EML1: variants seen among roughly 807,000 people sequenced by gnomAD.
EML1 encodes EMAP like 1.
A neutral mutation model predicts 110.4 loss-of-function variants in EML1; 27 were observed. The observed-to-expected ratio is 0.24, with a 90% CI of 0.18 to 0.34. The LOEUF (loss-of-function observed/expected upper bound fraction) is 0.34. Ranked by LOEUF, EML1 falls within the 10% of genes least tolerant of loss-of-function variation. The probability of loss-of-function intolerance (pLI) is 1.00; values close to 1 mark genes in which losing one functional copy is unlikely to be tolerated. For missense variants in EML1, 741 were observed against 1,030.9 expected (o/e 0.72, Z 3.85); for synonymous variants, 344 against 385.8 (o/e 0.89, Z 1.27).
intron 4 of EML1, among the ~76,000 whole-genome samples, chr14:99,883,951 A>G (rs1334017295): frequency 1.3e-5 from 2 of 152,216 alleles, no homozygotes; most frequent in Non-Finnish European, 2.9e-5. Context: ...TGATCACTAT[A>G]ACAAAAGAAG....
chr14:99,840,291 A>G (rs1321472785), intron 1 of EML1, among the ~76,000 whole-genome samples: 2 of 152,206 alleles, frequency 1.3e-5, no homozygotes, highest in Non-Finnish European at 2.9e-5. Flanking sequence ...TTCTATGTGT[A>G]TTTTACTTAG....
At chr14:99,817,205 A>G (rs1379554909) in intron 1 of EML1, among the ~76,000 whole-genome samples, 1 of 152,162 alleles carries the variant, frequency 6.6e-6, no homozygotes, top group Non-Finnish European at 1.5e-5. Context: ...ATTATAGAAC[A>G]CTCAGGTGTG....
chr14:99,760,750 G>A (rs2057306428), intron 1 of EML1, among the ~76,000 whole-genome samples: 1 of 152,160 alleles, frequency 6.6e-6, no homozygotes, highest in Admixed American at 6.5e-5. Flanking sequence ...GCCCCAACTT[G>A]AGCCAGACGG....
At chr14:99,740,178 G>A (rs1053863967) in intron 1 of EML1, among the ~76,000 whole-genome samples, 1 of 152,180 alleles carries the variant, frequency 6.6e-6, no homozygotes, top group African/African-American at 2.4e-5. Context: ...TTTATTACCT[G>A]GAGGTGGGGG....
chr14:99,852,672 A>C (rs1253724386), intron 2 of EML1, among the ~76,000 whole-genome samples: 5 of 152,186 alleles, frequency 3.3e-5, no homozygotes. Context: ...TTCACAGTTA[A>C]TGTGTATTTT....
At chr14:99,793,952 G>A (rs897518345) in intron 1 of EML1, among the ~76,000 whole-genome samples, 1 of 152,096 alleles carries the variant, frequency 6.6e-6, no homozygotes, top group African/African-American at 2.4e-5. Flanking sequence ...AAGAACTCGG[G>A]AAACAAATCC....
chr14:99,912,772 A>G (rs1171706830), intron 13 of EML1, among the ~76,000 whole-genome samples: 2 of 152,236 alleles, frequency 1.3e-5, no homozygotes, highest in Non-Finnish European at 2.9e-5. Flanking sequence ...CCCAAGTCAT[A>G]TTATAACTGT....
At chr14:99,916,030 A>G (rs1381763078) in intron 15 of EML1, among the ~76,000 whole-genome samples, 1 of 152,210 alleles carries the variant, frequency 6.6e-6, no homozygotes, top group African/African-American at 2.4e-5. Context: ...GATGGCAGGA[A>G]AGGGCTAAAG....
rs188210221 is a variant in EML1, at chr14:99,941,572, A to T, written c.*1460A>T. Reference sequence around the variant, plus strand: ...TGACCTATATTCATGAAAGCATATAAATTAAAATATTTAAAATTAGATATG... The same window carrying T: ...TGACCTATATTCATGAAAGCATATATATTAAAATATTTAAAATTAGATATG... On this transcript the variant is annotated 3_prime_UTR_variant, in exon 22 of 22. Coordinates refer to ENST00000262233, the MANE Select transcript of EML1 (RefSeq NM_004434.3). 1.6e-4 allele frequency: 25 copies of T among 152,356 alleles called. No homozygotes were observed. Among genetic ancestry groups the T allele is most frequent in the African/African-American group, 5.8e-4 (24 of 41,582 alleles). The allele number at this position is 152,356 out of a possible 1,614,324, so 9.4% of individuals were successfully genotyped here.
intron 3 of EML1, among the ~76,000 whole-genome samples, chr14:99,869,632 T>C (rs1414265541): frequency 6.6e-6 from 1 of 152,196 alleles, no homozygotes; most frequent in Non-Finnish European, 1.5e-5. Flanking sequence ...TAGACCATCA[T>C]GTGGTTTAGA....
At chr14:99,772,524 G>C (rs1055576515), upstream of EML1, among the ~76,000 whole-genome samples, 2 of 152,156 alleles carry the variant, frequency 1.3e-5, no homozygotes, top group Non-Finnish European at 2.9e-5. Context: ...CTCACCCCCT[G>C]GGGGTTGATT....
chr14:99,804,707 G>A (rs1042821858), intron 1 of EML1, among the ~76,000 whole-genome samples: 1 of 152,206 alleles, frequency 6.6e-6, no homozygotes, highest in South Asian at 2.1e-4. Flanking sequence ...GTTTACAAGT[G>A]CAGAGCAAAG....
intron 1 of EML1, chr14:99,839,193 A>G (rs1375509326): frequency 6.6e-6 from 1 of 152,182 alleles, no homozygotes; most frequent in Non-Finnish European, 1.5e-5. Context: ...GAAACGTAGT[A>G]ACGGGCCTGA....
chr14:99,771,259 T>C (rs1432150652), upstream of EML1, among the ~76,000 whole-genome samples: 5 of 152,220 alleles, frequency 3.3e-5, no homozygotes, highest in African/African-American at 9.6e-5. Flanking sequence ...CCTCAGTCTC[T>C]GGGCAACCAT....
intron 4 of EML1, among the ~76,000 whole-genome samples, chr14:99,889,119 G>A (rs551395293): frequency 2.6e-5 from 4 of 152,272 alleles, no homozygotes; most frequent in East Asian, 1.9e-4. Flanking sequence ...GGCCACCCCC[G>A]AAGGAAGGAT....
chr14:99,868,745 T>TA (rs1382472317), intron 3 of EML1, among the ~76,000 whole-genome samples: 3 of 151,980 alleles, frequency 2.0e-5, no homozygotes, highest in South Asian at 2.1e-4. Flanking sequence ...TGATCTTTTT[T>TA]AAAAAAAACA....
At chr14:99,878,727 C>G in intron 4 of EML1, 108 bp downstream of exon 4, 1 of 1,459,122 alleles carries the variant, frequency 6.9e-7, no homozygotes, top group Middle Eastern at 2.0e-4. Context: ...TGGGAGTACT[C>G]TTGGAGAAGA....
chr14:99,786,636 C>G (rs1446212652), intron 1 of EML1, among the ~76,000 whole-genome samples: 2 of 152,212 alleles, frequency 1.3e-5, no homozygotes, highest in East Asian at 1.9e-4. Flanking sequence ...AAGTTCAAAG[C>G]CTTCAAGTGC....
chr14:99,783,410 GTTCT>G lies in EML1; in HGVS notation c.-27+9404_-27+9407del, dbSNP rs371269408. ...CTATCATTGATGGACATTTGGGTTG[GTTCT>G]TTCTTTATTAACTAGGATGGCCATA... On this transcript the variant is annotated intron_variant, in intron 1 of 22. Transcript: ENST00000327921. Among the ~76,000 whole-genome samples the G allele has an allele frequency of 1.9e-4, 29 of 151,604 alleles. No individual in the cohort carries two copies. In the East Asian group the frequency reaches 5.4e-3, roughly 28 times the overall value.
Sources: gnomAD v4.1 joint callset for allele counts (sites outside exome capture counted in the v4.1 genomes callset) on GRCh38, gnomAD v4.1.1 for gene constraint, MANE v1.5 for transcripts, NCBI Gene and HGNC (gene_info 2026-07-23, HGNC 2026-07-21) for gene names.